Variants in EDNRB observed in about 807,000 individuals in gnomAD.
EDNRB encodes endothelin receptor type B.
A neutral mutation model predicts 46.4 loss-of-function variants in EDNRB; 18 were observed. The ratio of observed to expected loss-of-function variants is 0.39; its 90% CI spans 0.27 to 0.57. EDNRB has a LOEUF of 0.57. Ranked by LOEUF, EDNRB falls within the 20% of genes least tolerant of loss-of-function variation. EDNRB has a pLI of 0.61. For synonymous variants in EDNRB, 213 were observed against 204.9 expected (o/e 1.04, Z -0.34); for missense variants, 434 against 537.5 (o/e 0.81, Z 1.90).
intron 1 of EDNRB, among the ~76,000 whole-genome samples, chr13:77,933,712 G>A (rs867845641): frequency 2.0e-5 from 3 of 152,114 alleles, no homozygotes; most frequent in Non-Finnish European, 2.9e-5. Flanking sequence ...TTGGGAGATG[G>A]TATGGAGAGA....
At chr13:77,935,856 T>C (rs151321018) in intron 1 of EDNRB, among the ~76,000 whole-genome samples, 3,507 of 152,162 alleles carry the variant, frequency 0.023, 52 homozygotes, top group Middle Eastern at 0.037. Flanking sequence ...GTATTGAGAA[T>C]AGGAGAGTAT....
intron 1 of EDNRB, among the ~76,000 whole-genome samples, chr13:77,950,207 C>A (rs1051270530): frequency 6.6e-6 from 1 of 152,330 alleles, no homozygotes; most frequent in African/African-American, 2.4e-5. Context: ...AATGACCAAA[C>A]TCCTCTTTAT....
At chr13:77,923,676 T>G (rs1260328414), upstream of EDNRB, among the ~76,000 whole-genome samples, 2 of 152,014 alleles carry the variant, frequency 1.3e-5, no homozygotes, top group Non-Finnish European at 2.9e-5. Context: ...GATACCTGAA[T>G]GAAGTGTCCA....
intron 1 of EDNRB, among the ~76,000 whole-genome samples, chr13:77,932,368 T>C (rs1880431851): frequency 6.6e-6 from 1 of 152,228 alleles, no homozygotes; most frequent in Non-Finnish European, 1.5e-5. Context: ...ATGGCTAATT[T>C]AACACGATTT....
rs1259767883 is a variant in EDNRB at position 77,918,470 on chromosome 13, C to G, written c.104G>C (p.Arg35Thr). The change falls in exon 1 of 7, where the codon AGG becomes ACG. Residue 35 changes from arginine (R) to threonine (T), a missense_variant. By Grantham distance (71) the Arg-to-Thr change is moderately conservative. Transcript: ENST00000646607. The surrounding 1 kb of genome is among the most constrained non-coding windows in gnomAD (Gnocchi z 4.5). ...WGEERGFPPDRATPLLQTAEI... is the reference protein window; with the variant it reads ...WGEERGFPPDTATPLLQTAEI... ...TGCGGTTTGCAAAAGCGGAGTGGCC[C>G]TGTCAGGCGGGAAGCCTCTCTCCTC... The G allele has an allele frequency of 6.4e-7, 1 of 1,562,144 alleles. No individual in the cohort carries two copies. The highest frequency in any genetic ancestry group is 2.2e-5 in the East Asian group (1 of 44,526).
chr13:77,950,830 A>T (rs1881070152), intron 1 of EDNRB, among the ~76,000 whole-genome samples: 1 of 152,190 alleles, frequency 6.6e-6, no homozygotes, highest in Non-Finnish European at 1.5e-5. Context: ...CATTCAGTTT[A>T]ATCTGGTCCC....
At chr13:77,966,909 T>C (rs1202340124) in intron 1 of EDNRB, among the ~76,000 whole-genome samples, 2 of 152,114 alleles carry the variant, frequency 1.3e-5, no homozygotes, top group Non-Finnish European at 2.9e-5. Flanking sequence ...CAGCAAATAT[T>C]TTTTTCGGCT....
chr13:77,923,777 AC>A (rs1484078053), upstream of EDNRB, among the ~76,000 whole-genome samples: 4 of 139,190 alleles, frequency 2.9e-5, no homozygotes, highest in Non-Finnish European at 4.5e-5. Flanking sequence ...AAAGAGAGGT[AC>A]TTTTTTTTTT....
At chr13:77,912,900 C>T (rs1372461089) in intron 1 of EDNRB, among the ~76,000 whole-genome samples, 1 of 152,080 alleles carries the variant, frequency 6.6e-6, no homozygotes, top group Non-Finnish European at 1.5e-5. Flanking sequence ...ATAAATTAGA[C>T]TCCTCTCCCA....
At chr13:77,926,734 A>G (rs112881260) in intron 1 of EDNRB, among the ~76,000 whole-genome samples, 7,197 of 152,240 alleles carry the variant, frequency 0.047, 226 homozygotes, top group Admixed American at 0.074. Flanking sequence ...TTTTTCAGCA[A>G]TGCCCCACTC....
At position 77,903,184 on chromosome 13, in the gene EDNRB, T is replaced by C. The variant is rs879113182; in HGVS notation, c.773A>G (p.His258Arg). Residue 258 changes from histidine to arginine, a missense_variant, in exon 3 of 7, where the codon CAT becomes CGT. His to Arg is a conservative substitution (Grantham distance 29). Coordinates refer to ENST00000646607, the MANE Select transcript of EDNRB (RefSeq NM_001122659.3). ...KGSYLRICLLHPVQKTAFMQF... is the reference protein window; with the variant it reads ...KGSYLRICLLRPVQKTAFMQF... ...CATGAAAGCTGTCTTCTGAACGGGA[T>C]GAAGCAAGCAGATTCGCAGATAACT... 1 of 1,612,690 alleles carries C rather than the reference T, an allele frequency of 6.2e-7. No homozygotes were observed. The highest frequency in any genetic ancestry group is 8.5e-7 in the Non-Finnish European group (1 of 1,179,250).
At chr13:77,946,574 A>C (rs1216671416) in intron 1 of EDNRB, among the ~76,000 whole-genome samples, 1 of 152,200 alleles carries the variant, frequency 6.6e-6, no homozygotes, top group South Asian at 2.1e-4. Flanking sequence ...TAAGAGAAAA[A>C]AAAACCCATT....
In EDNRB at chr13:77,936,911, G is replaced by GT. The variant is rs879621941; in HGVS notation, c.-51-18288dup. ...GGGTTTTGTCTCACAGCAGAGGCAA[G>GT]TAATTGTAACTCAGAAATGCATTGC... is the stretch of plus-strand genomic sequence containing the variant. On this transcript the variant is annotated intron_variant, in intron 1 of 7. Transcript: ENST00000646948. Among the ~76,000 whole-genome samples, 7 of 152,338 alleles carry GT rather than the reference G, an allele frequency of 4.6e-5. No homozygotes were observed. In the East Asian group the frequency reaches 1.3e-3, roughly 29 times the overall value.
At chr13:77,907,568 C>A (rs1030516464) in intron 1 of EDNRB, among the ~76,000 whole-genome samples, 3 of 152,048 alleles carry the variant, frequency 2.0e-5, no homozygotes, top group African/African-American at 7.2e-5. Flanking sequence ...TTCTGTTTCT[C>A]TGGAGAACCC....
At position 77,914,351 on chromosome 13, in the gene EDNRB, C is replaced by T. The variant is rs1047966825; in HGVS notation, c.483+3740G>A. The stretch of plus-strand genomic sequence containing the variant: ...TTATCATTTCTTGCTATATGCCATG[C>T]CCTGTGCCAAATGATAGTCATCTTT... On this transcript the variant is annotated intron_variant, in intron 1 of 6. Coordinates refer to ENST00000646607, the MANE Select transcript of EDNRB (RefSeq NM_001122659.3). 5.9e-5 allele frequency among the ~76,000 whole-genome samples: 9 copies of T among 152,066 alleles called. No homozygotes were observed. The South Asian group carries it at 1.9e-3, about 32-fold the overall frequency.
At chr13:77,900,435 CT>C in intron 5 of EDNRB, 85 bp downstream of exon 5, 1 of 1,586,108 alleles carries the variant, frequency 6.3e-7, no homozygotes, top group South Asian at 1.1e-5. Flanking sequence ...AAATGGTAGT[CT>C]GTCTTTCTGC....
Position 77,944,769 on chromosome 13 carries a change from G to A in EDNRB, c.-51-26145C>T, listed in dbSNP as rs1001158369. On this transcript the variant is annotated intron_variant, in intron 1 of 7. Transcript: ENST00000646948. ...GAAGCTGCATGAATAAAGCTTCCAA[G>A]GCATATTTCAGTGAACAGCAAGTTG... The A allele has an allele frequency of 1.3e-5, 2 of 152,294 alleles. 1 individual carries two copies. The highest frequency in any genetic ancestry group is 3.9e-4 in the East Asian group (2 of 5,180). 9.4% of individuals were successfully genotyped at this position (152,294 alleles called of 1,614,324 possible).
intron 1 of EDNRB, among the ~76,000 whole-genome samples, chr13:77,908,515 T>C (rs1879406159): frequency 6.6e-6 from 1 of 151,944 alleles, no homozygotes; most frequent in Non-Finnish European, 1.5e-5. Flanking sequence ...GTATGATTCT[T>C]AGACATTCAT....
At chr13:77,949,414 A>G (rs1001860965) in intron 1 of EDNRB, among the ~76,000 whole-genome samples, 6 of 152,188 alleles carry the variant, frequency 3.9e-5, no homozygotes, top group African/African-American at 1.4e-4. Context: ...TTCGCACTGC[A>G]GTTTGAGACT....
Sources: gnomAD v4.1 joint callset for allele counts (sites outside exome capture counted in the v4.1 genomes callset) on GRCh38, gnomAD v4.1.1 for gene constraint, Gnocchi (gnomAD v3.1) non-coding constraint, MANE v1.5 for transcripts, NCBI Gene and HGNC (gene_info 2026-07-23, HGNC 2026-07-21) for gene names.